Variants in ADAMTS2 observed in about 807,000 individuals in gnomAD.
ADAMTS2 encodes ADAM metallopeptidase with thrombospondin type 1 motif 2, also known as A disintegrin and metalloproteinase with thrombospondin motifs 2.
ADAMTS2 carries 50 observed loss-of-function variants against 123.0 expected under a neutral mutation model. The observed-to-expected ratio is 0.41, with a 90% CI of 0.32 to 0.51. The LOEUF (loss-of-function observed/expected upper bound fraction) is 0.51. Among genes scored for constraint, ADAMTS2 ranks in the 20% least tolerant of loss-of-function variants. The pLI, the probability that ADAMTS2 is intolerant of heterozygous loss-of-function variation, is 0.35. For synonymous variants in ADAMTS2, 678 were observed against 695.4 expected (o/e 0.98, Z 0.39); for missense variants, 1,494 against 1,705.2 (o/e 0.88, Z 2.18).
At chr5:179,284,037 A>C (rs1755925927) in intron 2 of ADAMTS2, among the ~76,000 whole-genome samples, 1 of 151,176 alleles carries the variant, frequency 6.6e-6, no homozygotes, top group South Asian at 2.1e-4. Flanking sequence ...GTCTCAAAAA[A>C]ACCCAAAATC....
chr5:179,125,409 C>T (rs1240813348), intron 18 of ADAMTS2, among the ~76,000 whole-genome samples: 2 of 152,212 alleles, frequency 1.3e-5, no homozygotes, highest in African/African-American at 2.4e-5. Context: ...CCATGAGTCC[C>T]ATGCATGTCA....
chr5:179,345,050 T>G lies in ADAMTS2; in HGVS notation c.139+140A>C. 1.7e-6 allele frequency: 1 copy of G among 599,968 alleles called. No individual in the cohort carries two copies. Among genetic ancestry groups the G allele is most frequent in the Non-Finnish European group, 2.1e-6 (1 of 467,270 alleles). 37.2% of individuals were successfully genotyped at this position (599,968 alleles called of 1,614,324 possible). ...CTGCGCGACCAACCCGGCCCCGAAG[T>G]TGGCCAACTTGGCCCCGGGCGGGGC... On this transcript the variant is annotated intron_variant, in intron 1 of 21. Coordinates refer to ENST00000251582, the MANE Select transcript of ADAMTS2 (RefSeq NM_014244.5). The surrounding 1 kb of genome is among the most constrained non-coding windows in gnomAD (Gnocchi z 7.5).
rs548748579 is a variant in ADAMTS2 at position 179,130,018 on chromosome 5, T to C, written c.2371A>G (p.Met791Val). The change falls in exon 16 of 22, where the codon ATG becomes GTG. Residue 791 changes from methionine to valine, a missense_variant. Met to Val is a conservative substitution (Grantham distance 21). Around this residue, in one of 6 missense-constraint regions of ADAMTS2, gnomAD observed 953 missense variants for 1,124.7 expected, o/e 0.85. Transcript: ENST00000251582. The surrounding 1 kb of genome is among the most constrained non-coding windows in gnomAD (Gnocchi z 4.3). ...VDASSKTFIA[M>V]GVEWEYRDED... ...TCTCTGTACTCCCACTCCACGCCCATGGCAATGAAGGTTTTGGAACTGGCA... is the reference window on the plus strand; with the variant it reads ...TCTCTGTACTCCCACTCCACGCCCACGGCAATGAAGGTTTTGGAACTGGCA... 5.0e-6 allele frequency: 8 copies of C among 1,614,126 alleles called. No homozygotes were observed. Among genetic ancestry groups the C allele is most frequent in the East Asian group, 4.5e-5 (2 of 44,874 alleles).
At chr5:179,263,692 C>T (rs922335417) in intron 3 of ADAMTS2, among the ~76,000 whole-genome samples, 7 of 152,334 alleles carry the variant, frequency 4.6e-5, no homozygotes, top group Non-Finnish European at 8.8e-5. Context: ...ACATCCCAGC[C>T]GAAGAATCCA....
chr5:179,248,168 T>C (rs2113464069), intron 3 of ADAMTS2, among the ~76,000 whole-genome samples: 1 of 152,282 alleles, frequency 6.6e-6, no homozygotes, highest in East Asian at 1.9e-4. Flanking sequence ...CAAACAAAAT[T>C]GTTATGTGTT....
At chr5:179,245,935 A>C (rs1275795390) in intron 3 of ADAMTS2, among the ~76,000 whole-genome samples, 3 of 152,182 alleles carry the variant, frequency 2.0e-5, no homozygotes, top group African/African-American at 7.2e-5. Context: ...CCAAAGTGAC[A>C]GAATAGAGGA....
chr5:179,273,243 G>A (rs1766596926), intron 2 of ADAMTS2, among the ~76,000 whole-genome samples, 179 bp from the exon 3 acceptor site: 1 of 152,078 alleles, frequency 6.6e-6, no homozygotes, highest in African/African-American at 2.4e-5. Flanking sequence ...CCCAGAGGCC[G>A]CCCCCCGCCG....
chr5:179,138,078 A>C (rs1581147201), intron 11 of ADAMTS2, 134 bp from the exon 12 acceptor site: 5 of 1,009,676 alleles, frequency 5.0e-6, no homozygotes, highest in Admixed American at 2.1e-5. Flanking sequence ...GAGCAAAGGG[A>C]CCTTGCCCTG....
chr5:179,165,147 T>G (rs1763672461), intron 5 of ADAMTS2, among the ~76,000 whole-genome samples: 1 of 152,152 alleles, frequency 6.6e-6, no homozygotes, highest in Non-Finnish European at 1.5e-5. Flanking sequence ...TCACTTGGGC[T>G]CCAGCGGGAC....
chr5:179,186,166 C>A (rs545632231), intron 4 of ADAMTS2, among the ~76,000 whole-genome samples: 5 of 152,142 alleles, frequency 3.3e-5, no homozygotes, highest in Admixed American at 2.0e-4. Context: ...GATCCTGCTC[C>A]GGAGCCCTCA....
chr5:179,250,311 A>C (rs1044380358), intron 3 of ADAMTS2, among the ~76,000 whole-genome samples: 1 of 152,178 alleles, frequency 6.6e-6, no homozygotes, highest in Non-Finnish European at 1.5e-5. Flanking sequence ...AGTCAGAGCA[A>C]TTCAGCAAGA....
chr5:179,162,460 C>T lies in ADAMTS2; in HGVS notation c.976-3581G>A, dbSNP rs555564375. Among the ~76,000 whole-genome samples, 3 of 152,308 alleles carry T rather than the reference C, an allele frequency of 2.0e-5. No homozygotes were observed. In the South Asian group the frequency reaches 6.2e-4, roughly 32 times the overall value. ...CACTGTCGAGCTAAGACTGGGGCTG[C>T]AGTCTCATCTGAAGGCTGTACCGGA... On this transcript the variant is annotated intron_variant, in intron 5 of 21. Transcript: ENST00000251582. The surrounding 1 kb of genome is among the most constrained non-coding windows in gnomAD (Gnocchi z 5.1).
chr5:179,187,608 C>T (rs1028684198), intron 4 of ADAMTS2, among the ~76,000 whole-genome samples: 1 of 152,166 alleles, frequency 6.6e-6, no homozygotes, highest in Admixed American at 6.5e-5. Flanking sequence ...CTCCCCCCAG[C>T]AGCCCTGGGG....
Position 179,132,388 on chromosome 5 carries a change from T to C in ADAMTS2, c.2210-78A>G, listed in dbSNP as rs1762980459. 3 of 1,413,712 alleles carry C rather than the reference T, an allele frequency of 2.1e-6. No individual in the cohort carries two copies. Among genetic ancestry groups the C allele is most frequent in the Admixed American group, 3.6e-5 (2 of 56,242 alleles). 87.6% of individuals were successfully genotyped at this position (1,413,712 alleles called of 1,614,324 possible). A position where few individuals can be genotyped will look rare whatever the true frequency, so the allele number is the denominator to read the frequency against. ...AATTCGCACCATGCAAGGAGGGGCC[T>C]CGCTCTTGAAGGCAGCTCCTCCGGA... On this transcript the variant is annotated intron_variant, in intron 14 of 21. Coordinates refer to ENST00000251582, the MANE Select transcript of ADAMTS2 (RefSeq NM_014244.5). The surrounding 1 kb of genome is among the most constrained non-coding windows in gnomAD (Gnocchi z 6.1).
chr5:179,247,337 C>T (rs1445680035), intron 3 of ADAMTS2, among the ~76,000 whole-genome samples: 2 of 151,948 alleles, frequency 1.3e-5, no homozygotes, highest in African/African-American at 4.8e-5. Context: ...ATCATCCAAT[C>T]TGAGAAGTAG....
rs560466361 is a variant in ADAMTS2, at chr5:179,298,625, C to T, written c.535-25561G>A. Among the ~76,000 whole-genome samples the T allele has an allele frequency of 1.8e-3, 278 of 152,250 alleles. 4 individuals are homozygous for T. Among genetic ancestry groups the T allele is most frequent in the Middle Eastern group, 0.014 (4 of 294 alleles). ...GAGCCTGGGATGCTCAGAATACACA[C>T]GTGGCAGGAGGGGTGTGGACGGGCT... On this transcript the variant is annotated intron_variant, in intron 2 of 21. Transcript: ENST00000251582.
intron 4 of ADAMTS2, among the ~76,000 whole-genome samples, chr5:179,186,992 C>T (rs1033145098): frequency 6.6e-6 from 1 of 152,168 alleles, no homozygotes; most frequent in African/African-American, 2.4e-5. Context: ...CCTCTCCACG[C>T]TGGCCCTGGC....
In ADAMTS2 at chr5:179,158,940, C is replaced by A; in HGVS notation, c.976-61G>T. The stretch of plus-strand genomic sequence containing the variant: ...TGGCGCCTGGTGGCCCAGTGGGGGG[C>A]CGAGCAGGCTGTAGTGTTGACAGAC... On this transcript the variant is annotated intron_variant, in intron 5 of 21. Coordinates refer to ENST00000251582, the MANE Select transcript of ADAMTS2 (RefSeq NM_014244.5). This position sits in a 1 kb window ranked among gnomAD's most constrained non-coding sequence, Gnocchi z 5.0. The A allele has an allele frequency of 6.3e-7, 1 of 1,587,686 alleles. No individual in the cohort carries two copies. Among genetic ancestry groups the A allele is most frequent in the Admixed American group, 1.8e-5 (1 of 56,636 alleles).
intron 6 of ADAMTS2, among the ~76,000 whole-genome samples, chr5:179,156,968 T>C (rs187860290): frequency 3.6e-4 from 53 of 145,776 alleles, no homozygotes; most frequent in African/African-American, 6.7e-4. Context: ...TTTCTTTTTT[T>C]TTTTTTTTTT....
Sources: gnomAD v4.1 joint callset for allele counts (sites outside exome capture counted in the v4.1 genomes callset) on GRCh38, gnomAD v4.1.1 for gene constraint, gnomAD v4.1.1 regional missense constraint, Gnocchi (gnomAD v3.1) non-coding constraint, MANE v1.5 for transcripts, NCBI Gene and HGNC (gene_info 2026-07-23, HGNC 2026-07-21) for gene names.